CACNA2D3: variants seen among roughly 807,000 people sequenced by gnomAD.
The protein encoded by CACNA2D3 is voltage-dependent calcium channel subunit alpha-2/delta-3.
CACNA2D3 carries 60 observed loss-of-function variants against 160.6 expected under a neutral mutation model. The ratio of observed to expected loss-of-function variants is 0.37; its 90% CI spans 0.30 to 0.46. The LOEUF is 0.46. Among genes scored for constraint, CACNA2D3 ranks in the 20% least tolerant of loss-of-function variants. The pLI is 1.00. For missense variants in CACNA2D3, 1,205 were observed against 1,365.0 expected, an observed-to-expected ratio of 0.88 and a Z score of 1.85; for synonymous variants, 558 against 492.9, an observed-to-expected ratio of 1.13 and a Z score of -1.75.
intron 4 of CACNA2D3, among the ~76,000 whole-genome samples, chr3:54,439,857 C>T (rs146288997): frequency 6.6e-6 from 1 of 152,208 alleles, no homozygotes; most frequent in African/African-American, 2.4e-5. Flanking sequence ...TTTCCCCCTC[C>T]CTGCCCCACA....
At position 54,617,892 on chromosome 3, in the gene CACNA2D3, C is replaced by T. The variant is rs59872325; in HGVS notation, c.964-9895C>T. Among the ~76,000 whole-genome samples the T allele has an allele frequency of 5.3e-5, 8 of 152,124 alleles. No homozygotes were observed. The East Asian group carries it at 9.7e-4, about 18-fold the overall frequency. ...CCCTCCCTTCACTGAGACAGCTGCA[C>T]TCCCAGTCTTCTCGTTCTAGGAGCC... is the stretch of plus-strand genomic sequence containing the variant. On this transcript the variant is annotated intron_variant, in intron 9 of 37. Coordinates refer to ENST00000474759, the MANE Select transcript of CACNA2D3 (RefSeq NM_018398.3).
chr3:55,031,092 G>C (rs958304015), intron 35 of CACNA2D3, among the ~76,000 whole-genome samples: 7 of 152,208 alleles, frequency 4.6e-5, no homozygotes, highest in Non-Finnish European at 5.9e-5. Flanking sequence ...TAGGAGACCA[G>C]CAGAGCCAAG....
chr3:54,820,914 T>C (rs1575494693), intron 14 of CACNA2D3, among the ~76,000 whole-genome samples: 1 of 152,192 alleles, frequency 6.6e-6, no homozygotes, highest in African/African-American at 2.4e-5. Context: ...GTAGATTCTG[T>C]CTATAGGAGC....
At chr3:55,070,327 TG>T (rs2107232643) in intron 35 of CACNA2D3, among the ~76,000 whole-genome samples, 1 of 152,086 alleles carries the variant, frequency 6.6e-6, no homozygotes, top group East Asian at 1.9e-4. Context: ...GAGAGAGAGT[TG>T]GAGGGAGAGA....
At chr3:54,627,688 C>A in intron 9 of CACNA2D3, 99 bp from the exon 10 acceptor site, 1 of 744,966 alleles carries the variant, frequency 1.3e-6, no homozygotes, top group South Asian at 1.5e-5. Flanking sequence ...TTGGATCTGA[C>A]AATCATTGGT....
intron 13 of CACNA2D3, among the ~76,000 whole-genome samples, chr3:54,807,227 T>C (rs1031084203): frequency 6.6e-6 from 1 of 152,122 alleles, no homozygotes; most frequent in African/African-American, 2.4e-5. Context: ...ACTGAAGAGC[T>C]TCTGCACAGC....
intron 13 of CACNA2D3, among the ~76,000 whole-genome samples, chr3:54,771,954 G>A (rs970201144): frequency 6.6e-6 from 1 of 151,950 alleles, no homozygotes; most frequent in African/African-American, 2.4e-5. Flanking sequence ...TCAAGAGAAG[G>A]TTTTAGGATA....
chr3:54,912,327 G>T (rs1448602884), intron 27 of CACNA2D3, among the ~76,000 whole-genome samples: 3 of 152,174 alleles, frequency 2.0e-5, no homozygotes, highest in Non-Finnish European at 4.4e-5. Flanking sequence ...GTCAAGGAGA[G>T]AGCATGAGTT....
intron 2 of CACNA2D3, among the ~76,000 whole-genome samples, chr3:54,187,398 T>C (rs189331743): frequency 2.4e-4 from 37 of 152,298 alleles, no homozygotes; most frequent in African/African-American, 8.9e-4. Flanking sequence ...ACACCGCACT[T>C]GTGTTCTTAA....
chr3:54,669,921 T>C (rs1419615597), intron 11 of CACNA2D3, among the ~76,000 whole-genome samples: 1 of 152,020 alleles, frequency 6.6e-6, no homozygotes, highest in Non-Finnish European at 1.5e-5. Flanking sequence ...AGTGCTGGGA[T>C]GACAGGCATG....
At chr3:54,205,145 G>A (rs557988424) in intron 2 of CACNA2D3, among the ~76,000 whole-genome samples, 116 of 152,320 alleles carry the variant, frequency 7.6e-4, no homozygotes, top group African/African-American at 2.4e-3. Flanking sequence ...CCACGGCTAC[G>A]TGAGGATAAC....
chr3:54,224,719 C>T (rs114025111), intron 2 of CACNA2D3, among the ~76,000 whole-genome samples: 105 of 152,214 alleles, frequency 6.9e-4, no homozygotes, highest in African/African-American at 2.5e-3. Context: ...TTTTAAATTC[C>T]TATTAGATAT....
intron 11 of CACNA2D3, among the ~76,000 whole-genome samples, chr3:54,752,153 C>T (rs1268043039): frequency 6.6e-6 from 1 of 152,222 alleles, no homozygotes; most frequent in African/African-American, 2.4e-5. Flanking sequence ...AAGAGAGTGT[C>T]TGCAGCCTGT....
intron 3 of CACNA2D3, among the ~76,000 whole-genome samples, chr3:54,360,452 A>G (rs1010826930): frequency 6.6e-6 from 1 of 152,224 alleles, no homozygotes; most frequent in African/African-American, 2.4e-5. Context: ...TGAACATTGC[A>G]GAGAACTGAA....
chr3:54,192,477 T>G (rs1265079306), intron 2 of CACNA2D3, among the ~76,000 whole-genome samples: 1 of 152,184 alleles, frequency 6.6e-6, no homozygotes, highest in Non-Finnish European at 1.5e-5. Context: ...AACAGACCCT[T>G]GGGTTATTGA....
intron 4 of CACNA2D3, among the ~76,000 whole-genome samples, chr3:54,409,993 CAT>C (rs1187055463): frequency 6.6e-6 from 1 of 152,164 alleles, no homozygotes; most frequent in Non-Finnish European, 1.5e-5. Context: ...CTATAGAAAA[CAT>C]ATAAGGCTGA....
intron 11 of CACNA2D3, among the ~76,000 whole-genome samples, chr3:54,737,182 ATGTG>A (rs4025817): frequency 0.18 from 26,862 of 147,334 alleles, 2,432 homozygotes; most frequent in African/African-American, 0.22. Flanking sequence ...CCATGTGTAT[ATGTG>A]TGTGTGTGTG....
At chr3:54,750,370 C>T (rs751125230) in intron 11 of CACNA2D3, among the ~76,000 whole-genome samples, 27 of 152,142 alleles carry the variant, frequency 1.8e-4, no homozygotes, top group Admixed American at 3.3e-4. Flanking sequence ...TTTTGTCGGT[C>T]TAGTGTTTCC....
chr3:54,877,898 A>G (rs1478020927), intron 18 of CACNA2D3, among the ~76,000 whole-genome samples: 1 of 152,222 alleles, frequency 6.6e-6, no homozygotes, highest in Non-Finnish European at 1.5e-5. Flanking sequence ...TAAAAGTTAG[A>G]AAGTAGACTT....
Sources: gnomAD v4.1 joint callset for allele counts (sites outside exome capture counted in the v4.1 genomes callset) on GRCh38, gnomAD v4.1.1 for gene constraint, MANE v1.5 for transcripts, NCBI Gene and HGNC (gene_info 2026-07-23, HGNC 2026-07-21) for gene names.